The following CTBP2 variants were observed in gnomAD, a reference collection of about 807,000 sequenced individuals.
CTBP2 encodes the protein C-terminal-binding protein 2.
CTBP2 carries 30 observed loss-of-function variants against 80.3 expected under a neutral mutation model. The observed-to-expected ratio is 0.37, with a 90% CI of 0.28 to 0.51. The LOEUF (loss-of-function observed/expected upper bound fraction) is 0.51, where lower values mean the gene tolerates loss of function less well. Ranked by LOEUF, CTBP2 falls within the 20% of genes least tolerant of loss-of-function variation. The pLI is 0.93. For synonymous variants in CTBP2, 594 were observed against 587.4 expected, an observed-to-expected ratio of 1.01 and a Z score of -0.16; for missense variants, 1,212 against 1,375.3, an observed-to-expected ratio of 0.88 and a Z score of 1.88.
At chr10:124,997,913 C>T (rs949163981) in intron 4 of CTBP2, 51 bp downstream of exon 6, 1 of 1,567,828 alleles carries the variant, frequency 6.4e-7, no homozygotes, top group Non-Finnish European at 8.7e-7. Context: ...CCCCACTACA[C>T]CAGCCCCAGT....
intron 8 of CTBP2, 115 bp from the exon 11 acceptor site, chr10:124,989,813 C>G: frequency 9.8e-7 from 1 of 1,018,086 alleles, no homozygotes; most frequent in Non-Finnish European, 1.4e-6. Context: ...ATGAACATGG[C>G]TCACCTTGAC....
intron 3 of CTBP2, 37 bp downstream of exon 5, chr10:125,002,923 G>A (rs372182878): frequency 1.2e-5 from 19 of 1,607,998 alleles, no homozygotes; most frequent in Middle Eastern, 2.2e-4. Flanking sequence ...ACAGAGCTCC[G>A]GACAACTCCA....
At chr10:125,096,038 A>G (rs117449309) in intron 2 of CTBP2, among the ~76,000 whole-genome samples, 6,486 of 152,010 alleles carry the variant, frequency 0.043, 211 homozygotes, top group Middle Eastern at 0.082. Flanking sequence ...GAGCGCAGGG[A>G]GTGGGGGCTC....
At chr10:125,150,446 G>A (rs1859619668) in intron 1 of CTBP2, among the ~76,000 whole-genome samples, 1 of 152,184 alleles carries the variant, frequency 6.6e-6, no homozygotes, top group Non-Finnish European at 1.5e-5. Flanking sequence ...AACAGCTTGG[G>A]AGGAAAGAAG....
intron 2 of CTBP2, among the ~76,000 whole-genome samples, chr10:125,054,060 T>C (rs950353594): frequency 6.6e-6 from 1 of 152,040 alleles, no homozygotes; most frequent in African/African-American, 2.4e-5. Flanking sequence ...TTGAGGGCCA[T>C]GGAGGCTTTT....
At chr10:125,006,590 T>C (rs1336771643) in intron 1 of CTBP2, among the ~76,000 whole-genome samples, 2 of 152,220 alleles carry the variant, frequency 1.3e-5, no homozygotes, top group Admixed American at 6.5e-5. Context: ...AGAGCTCATA[T>C]GGAAGATCTC....
At chr10:125,151,381 G>C (rs1359570658) in intron 1 of CTBP2, among the ~76,000 whole-genome samples, 1 of 152,156 alleles carries the variant, frequency 6.6e-6, no homozygotes, top group Non-Finnish European at 1.5e-5. Flanking sequence ...TCCTCGACGT[G>C]GAGTTCTGCT....
At chr10:125,113,296 C>G (rs1378948187) in intron 1 of CTBP2, among the ~76,000 whole-genome samples, 1 of 152,214 alleles carries the variant, frequency 6.6e-6, no homozygotes, top group African/African-American at 2.4e-5. Context: ...ATCCACCCTT[C>G]AAAACCCATC....
chr10:124,995,780 G>A, intron 4 of CTBP2, among the ~76,000 whole-genome samples: 1 of 152,218 alleles, frequency 6.6e-6, no homozygotes, highest in African/African-American at 2.4e-5. Context: ...CTGGACGGTG[G>A]CAGGGACGGA....
At chr10:125,092,950 T>A (rs1397389433) in intron 2 of CTBP2, among the ~76,000 whole-genome samples, 1 of 152,104 alleles carries the variant, frequency 6.6e-6, no homozygotes, top group African/African-American at 2.4e-5. Context: ...AGTTTAACGG[T>A]GGCCCATGGC....
At chr10:125,058,492 G>A (rs981524965) in intron 2 of CTBP2, among the ~76,000 whole-genome samples, 1 of 152,160 alleles carries the variant, frequency 6.6e-6, no homozygotes, top group African/African-American at 2.4e-5. Context: ...CTATTCCCCT[G>A]TTGAAATGTG....
chr10:124,991,177 A>T (rs1488073331), intron 8 of CTBP2, among the ~76,000 whole-genome samples: 1 of 152,238 alleles, frequency 6.6e-6, no homozygotes, highest in African/African-American at 2.4e-5. Flanking sequence ...CCTCGGGCAA[A>T]GTGGGACTCA....
At chr10:124,991,255 A>C (rs1030701647) in intron 8 of CTBP2, among the ~76,000 whole-genome samples, 2 of 151,868 alleles carry the variant, frequency 1.3e-5, no homozygotes, top group African/African-American at 4.8e-5. Flanking sequence ...TAGCCACCCC[A>C]CCCCCAGCTC....
At chr10:125,115,919 C>T (rs1434438226) in intron 1 of CTBP2, among the ~76,000 whole-genome samples, 2 of 152,172 alleles carry the variant, frequency 1.3e-5, no homozygotes, top group African/African-American at 2.4e-5. Flanking sequence ...CTACAGTCTT[C>T]GCCCCCTATA....
intron 3 of CTBP2, chr10:124,999,350 C>T (rs1284221712): frequency 6.6e-6 from 1 of 151,902 alleles, no homozygotes; most frequent in Non-Finnish European, 1.5e-5. Flanking sequence ...CCCAGGATTC[C>T]TCTATCTTAA....
At position 125,036,977 on chromosome 10, in the gene CTBP2, T is replaced by G. The variant is rs189806671; in HGVS notation, c.58+2020A>C. On this transcript the variant is annotated intron_variant, in intron 3 of 10. Transcript: ENST00000337195. ...CTTGGGACCAACTGTGAGTACTTAA[T>G]GAGATGCCTAGGGAGCTGACATATA... 2.0e-5 allele frequency among the ~76,000 whole-genome samples: 3 copies of G among 152,192 alleles called. No individual in the cohort carries two copies. The East Asian group carries it at 5.8e-4, about 29-fold the overall frequency.
intron 2 of CTBP2, among the ~76,000 whole-genome samples, chr10:125,094,516 C>A (rs974621912): frequency 6.6e-6 from 1 of 152,218 alleles, no homozygotes; most frequent in Non-Finnish European, 1.5e-5. Flanking sequence ...GGGTGGTTTC[C>A]GTGCCAAGCA....
intron 1 of CTBP2, among the ~76,000 whole-genome samples, chr10:125,142,033 G>T (rs901180020): frequency 6.6e-6 from 1 of 152,172 alleles, no homozygotes; most frequent in Admixed American, 6.5e-5. Flanking sequence ...GGCAGCTGTT[G>T]TGAGTGTCCC....
At chr10:125,153,198 C>T (rs1860312323) in intron 1 of CTBP2, among the ~76,000 whole-genome samples, 1 of 152,244 alleles carries the variant, frequency 6.6e-6, no homozygotes, top group South Asian at 2.1e-4. Flanking sequence ...CCAGGCTGAA[C>T]ATTCTCAGTT....
Sources: allele counts gnomAD v4.1 joint callset (sites outside exome capture counted in the v4.1 genomes callset), GRCh38; gene constraint gnomAD v4.1.1; transcripts MANE v1.5; gene names NCBI Gene and HGNC (gene_info 2026-07-23, HGNC 2026-07-21).